The following ADARB2 variants were observed in gnomAD, a reference collection of about 807,000 sequenced individuals.
The protein encoded by ADARB2 is adenosine deaminase RNA specific B2 (inactive), also known as inactive double-stranded RNA-specific editase B2.
Under a neutral mutation model 62.2 loss-of-function variants are expected in ADARB2, and 25 were observed. That is an observed-to-expected ratio of 0.40 (90% CI 0.29 to 0.56). ADARB2 has a LOEUF of 0.56. Ranked by LOEUF, ADARB2 falls within the 20% of genes least tolerant of loss-of-function variation. ADARB2 has a pLI of 0.43. For missense variants in ADARB2, 1,071 were observed against 1,077.4 expected (o/e 0.99, Z 0.08); for synonymous variants, 572 against 500.8 (o/e 1.14, Z -1.90).
rs531990215 is a variant in ADARB2, at chr10:1,450,322, T to C, written c.101-71162A>G. Among the ~76,000 whole-genome samples, 2 of 152,366 alleles carry C rather than the reference T, an allele frequency of 1.3e-5. 1 individual carries two copies. The highest frequency in any genetic ancestry group is 4.1e-4 in the South Asian group (2 of 4,832). On this transcript the variant is annotated intron_variant, in intron 1 of 9. Transcript: ENST00000381312. ...TCTTTGGAAAATCATTATGGGTGTG[T>C]CTGTCCACTTCGTTTCCTGCTGCTG...
intron 1 of ADARB2, among the ~76,000 whole-genome samples, chr10:1,554,193 C>T (rs1244041170): frequency 1.3e-5 from 2 of 152,154 alleles, no homozygotes; most frequent in Non-Finnish European, 2.9e-5. Context: ...GTGCCCTAGG[C>T]TCTGGGCTTC....
chr10:1,652,618 T>G (rs144042459), intron 1 of ADARB2, among the ~76,000 whole-genome samples: 1 of 152,238 alleles, frequency 6.6e-6, no homozygotes, highest in Non-Finnish European at 1.5e-5. Context: ...TATTCATTAA[T>G]TTCCTTTTGC....
At chr10:1,462,633 G>T (rs1435889903) in intron 1 of ADARB2, among the ~76,000 whole-genome samples, 1 of 150,016 alleles carries the variant, frequency 6.7e-6, no homozygotes, top group Non-Finnish European at 1.5e-5. Context: ...ATGTACATGA[G>T]TGTATGTGCC....
chr10:1,648,327 CTT>C (rs1374029749), intron 1 of ADARB2, among the ~76,000 whole-genome samples: 18 of 152,150 alleles, frequency 1.2e-4, no homozygotes, highest in African/African-American at 3.6e-4. Flanking sequence ...AAGTCACGTT[CTT>C]TACCTTGAAG....
At chr10:1,516,241 C>A (rs1832007297) in intron 1 of ADARB2, among the ~76,000 whole-genome samples, 1 of 152,158 alleles carries the variant, frequency 6.6e-6, no homozygotes, top group South Asian at 2.1e-4. Context: ...CCCAAATAAA[C>A]CACCTTCCCT....
intron 3 of ADARB2, among the ~76,000 whole-genome samples, chr10:1,349,573 G>A (rs1832114547): frequency 6.6e-6 from 1 of 152,158 alleles, no homozygotes; most frequent in Non-Finnish European, 1.5e-5. Flanking sequence ...AATCCAGTAA[G>A]TGGCCTCTTT....
chr10:1,206,105 T>G (rs1837058397), intron 7 of ADARB2, among the ~76,000 whole-genome samples: 1 of 152,238 alleles, frequency 6.6e-6, no homozygotes, highest in Non-Finnish European at 1.5e-5. Flanking sequence ...CATATCTCAT[T>G]TCTCTTCTGA....
chr10:1,647,181 A>G (rs1396901345), intron 1 of ADARB2, among the ~76,000 whole-genome samples: 2 of 152,234 alleles, frequency 1.3e-5, no homozygotes, highest in Non-Finnish European at 2.9e-5. Context: ...CTTTCACTTC[A>G]AAGTCTTTTT....
intron 3 of ADARB2, among the ~76,000 whole-genome samples, chr10:1,284,192 G>A (rs757589141): frequency 5.3e-5 from 8 of 152,128 alleles, no homozygotes; most frequent in Non-Finnish European, 1.2e-4. Flanking sequence ...TCGCTCCCAC[G>A]TGAAGCTCAG....
At chr10:1,570,806 T>G (rs1304120964) in intron 1 of ADARB2, among the ~76,000 whole-genome samples, 5 of 152,124 alleles carry the variant, frequency 3.3e-5, no homozygotes, top group African/African-American at 4.8e-5. Context: ...GCGCTGGACC[T>G]GAGTGGGGAC....
chr10:1,211,674 T>A (rs1482761177), intron 7 of ADARB2, among the ~76,000 whole-genome samples: 1 of 152,202 alleles, frequency 6.6e-6, no homozygotes, highest in Non-Finnish European at 1.5e-5. Context: ...TTCCATGGTG[T>A]AAGCACCATC....
intron 1 of ADARB2, among the ~76,000 whole-genome samples, chr10:1,621,133 A>G (rs1227663997): frequency 6.6e-6 from 1 of 152,232 alleles, no homozygotes; most frequent in South Asian, 2.1e-4. Context: ...CAAAATAAAC[A>G]AACATGCCAA....
intron 1 of ADARB2, chr10:1,556,719 G>A (rs773965215): frequency 3.7e-6 from 2 of 534,514 alleles, no homozygotes; most frequent in Non-Finnish European, 7.7e-6. Context: ...CACCCTGCCT[G>A]CCCATGTCAA....
intron 1 of ADARB2, among the ~76,000 whole-genome samples, chr10:1,628,886 C>T (rs1833806685): frequency 6.6e-6 from 1 of 152,212 alleles, no homozygotes; most frequent in African/African-American, 2.4e-5. Flanking sequence ...AGTGTCGTGA[C>T]CACTGGAGGG....
At chr10:1,189,826 G>GTTCACAGCAC (rs1564215050) in intron 8 of ADARB2, among the ~76,000 whole-genome samples, 3 of 97,986 alleles carry the variant, frequency 3.1e-5, no homozygotes, top group African/African-American at 9.7e-5. Flanking sequence ...TCCTTCCCCA[G>GTTCACAGCAC]AACACGTGGC....
chr10:1,559,660 A>C (rs997140006), intron 1 of ADARB2, among the ~76,000 whole-genome samples: 7 of 152,218 alleles, frequency 4.6e-5, no homozygotes, highest in African/African-American at 1.7e-4. Context: ...GAACAGGGCG[A>C]GAATCACACC....
At chr10:1,565,367 C>A (rs947339640) in intron 1 of ADARB2, among the ~76,000 whole-genome samples, 2 of 152,174 alleles carry the variant, frequency 1.3e-5, no homozygotes, top group African/African-American at 4.8e-5. Context: ...ACTATAAATA[C>A]ATGGGTATGC....
At chr10:1,717,484 T>C (rs566734105) in intron 1 of ADARB2, among the ~76,000 whole-genome samples, 36 of 151,892 alleles carry the variant, frequency 2.4e-4, no homozygotes, top group African/African-American at 8.2e-4. Context: ...GTTCTTTTCT[T>C]TCTTCCTTCC....
At chr10:1,186,384 G>A (rs1251385316) in intron 8 of ADARB2, 2 of 454,288 alleles carry the variant, frequency 4.4e-6, no homozygotes, top group Non-Finnish European at 8.9e-6. Context: ...AGTCGGCAGG[G>A]AGTCCAGGCT....
Sources: gnomAD v4.1 joint callset for allele counts (sites outside exome capture counted in the v4.1 genomes callset) on GRCh38, gnomAD v4.1.1 for gene constraint, MANE v1.5 for transcripts, NCBI Gene and HGNC (gene_info 2026-07-23, HGNC 2026-07-21) for gene names.